Variants in ARHGAP15 observed in about 807,000 individuals in gnomAD.
The protein encoded by ARHGAP15 is Rho GTPase activating protein 15.
In ARHGAP15, 51 loss-of-function variants were observed where a neutral mutation model predicts 63.7. The observed-to-expected ratio is 0.80, with a 90% confidence interval of 0.64 to 1.01. The LOEUF (loss-of-function observed/expected upper bound fraction) is 1.01, where lower values mean the gene tolerates loss of function less well. Ranked by LOEUF, ARHGAP15 falls within the 50% of genes least tolerant of loss-of-function variation. ARHGAP15 has a pLI of 0.00. For missense variants in ARHGAP15, 560 were observed against 564.6 expected (o/e 0.99, Z 0.08); for synonymous variants, 191 against 193.8 (o/e 0.99, Z 0.12).
intron 6 of ARHGAP15, among the ~76,000 whole-genome samples, chr2:143,408,918 G>A (rs984929942): frequency 6.6e-6 from 1 of 151,648 alleles, no homozygotes; most frequent in African/African-American, 2.4e-5. Context: ...GAGATTTTTT[G>A]TTCATTTGGG....
intron 9 of ARHGAP15, among the ~76,000 whole-genome samples, chr2:143,492,029 A>G (rs1371882752): frequency 6.6e-6 from 1 of 152,080 alleles, no homozygotes; most frequent in Non-Finnish European, 1.5e-5. Context: ...CTATAGGTGC[A>G]CACCACCACA....
chr2:143,439,314 T>C (rs1281446492), intron 8 of ARHGAP15, among the ~76,000 whole-genome samples: 3 of 149,764 alleles, frequency 2.0e-5, no homozygotes, highest in African/African-American at 7.4e-5. Flanking sequence ...TCCCAGCTAC[T>C]CGGGAGGCTG....
intron 2 of ARHGAP15, among the ~76,000 whole-genome samples, chr2:143,174,084 C>T (rs996126699): frequency 1.3e-5 from 2 of 152,004 alleles, no homozygotes; most frequent in Non-Finnish European, 2.9e-5. Context: ...TCCCTCTCAC[C>T]CAAATATTCC....
In ARHGAP15 at chr2:143,390,602, G is replaced by C. The variant is rs72999533; in HGVS notation, c.475-44999G>C. ...CAGGAGATGCTCTGCCCCACTCTCC[G>C]CTTCCCCCTCCCTTCCTTTTCTCCC... is the stretch of plus-strand genomic sequence containing the variant. On this transcript the variant is annotated intron_variant, in intron 6 of 13. Coordinates refer to ENST00000295095, the MANE Select transcript of ARHGAP15 (RefSeq NM_018460.4). Among the ~76,000 whole-genome samples, 1,378 of 152,010 alleles carry C rather than the reference G, an allele frequency of 9.1e-3. 22 individuals carry two copies. The highest frequency in any genetic ancestry group is 0.028 in the African/African-American group (1,173 of 41,462).
intron 6 of ARHGAP15, among the ~76,000 whole-genome samples, chr2:143,363,153 A>C (rs1461298540): frequency 1.3e-5 from 2 of 151,912 alleles, no homozygotes; most frequent in Non-Finnish European, 2.9e-5. Context: ...CCTTCTTTTC[A>C]CTTTGCTGTG....
At chr2:143,171,524 C>T (rs919517944) in intron 2 of ARHGAP15, among the ~76,000 whole-genome samples, 2 of 152,086 alleles carry the variant, frequency 1.3e-5, no homozygotes, top group Non-Finnish European at 2.9e-5. Context: ...AGTAGAAAGG[C>T]AGGCTGGGGA....
chr2:143,555,480 C>T (rs1229279691), intron 10 of ARHGAP15, among the ~76,000 whole-genome samples: 2 of 152,100 alleles, frequency 1.3e-5, no homozygotes, highest in Non-Finnish European at 2.9e-5. Context: ...ATTATGTTTT[C>T]AGCATTTTTA....
intron 9 of ARHGAP15, among the ~76,000 whole-genome samples, chr2:143,508,871 G>A (rs763613146): frequency 2.0e-5 from 3 of 152,100 alleles, no homozygotes; most frequent in Admixed American, 6.6e-5. Flanking sequence ...GAAAACGAGG[G>A]GCCAAAGGGT....
chr2:143,731,304 T>C (rs1251471675), intron 13 of ARHGAP15, among the ~76,000 whole-genome samples: 2 of 152,182 alleles, frequency 1.3e-5, no homozygotes, highest in African/African-American at 4.8e-5. Flanking sequence ...GTTGTTAGAT[T>C]TTCTGGTTTC....
chr2:143,517,664 C>T (rs918174992), intron 9 of ARHGAP15, among the ~76,000 whole-genome samples: 7 of 152,152 alleles, frequency 4.6e-5, no homozygotes, highest in Non-Finnish European at 2.9e-5. Context: ...ACATTTCAGT[C>T]TCATATGTCA....
intron 6 of ARHGAP15, among the ~76,000 whole-genome samples, chr2:143,298,825 TAAG>T (rs142565599): frequency 0.031 from 4,714 of 152,018 alleles, 233 homozygotes; most frequent in African/African-American, 0.11. Context: ...ATTCAAATAA[TAAG>T]AGCAGACACT....
At chr2:143,680,431 G>C (rs1297580914) in intron 12 of ARHGAP15, among the ~76,000 whole-genome samples, 1 of 152,196 alleles carries the variant, frequency 6.6e-6, no homozygotes, top group African/African-American at 2.4e-5. Flanking sequence ...ACCCTATACT[G>C]GTTATGGAGC....
intron 12 of ARHGAP15, chr2:143,682,651 G>C (rs1683156062): frequency 6.6e-6 from 1 of 152,136 alleles, no homozygotes; most frequent in Non-Finnish European, 1.5e-5. Flanking sequence ...TATCTTCCAA[G>C]TCTGGTGCTG....
intron 6 of ARHGAP15, among the ~76,000 whole-genome samples, chr2:143,366,230 T>C (rs1189722829): frequency 1.3e-5 from 2 of 152,120 alleles, no homozygotes; most frequent in East Asian, 3.9e-4. Flanking sequence ...TAACAGATCC[T>C]GTATCTACAC....
intron 13 of ARHGAP15, chr2:143,766,630 A>T (rs1686954204): frequency 6.6e-6 from 1 of 152,192 alleles, no homozygotes; most frequent in African/African-American, 2.4e-5. Flanking sequence ...GAAATTGTCA[A>T]GTAGGAAAAA....
At chr2:143,442,623 G>A (rs1226247596) in intron 8 of ARHGAP15, among the ~76,000 whole-genome samples, 1 of 152,130 alleles carries the variant, frequency 6.6e-6, no homozygotes, top group Non-Finnish European at 1.5e-5. Flanking sequence ...AATGGGAAGT[G>A]AGTCCTTAGC....
intron 4 of ARHGAP15, among the ~76,000 whole-genome samples, chr2:143,222,984 T>A (rs1693058457): frequency 6.6e-6 from 1 of 152,130 alleles, no homozygotes; most frequent in Admixed American, 6.5e-5. Flanking sequence ...TTTTTTGTTT[T>A]GTTCTGTTTT....
intron 11 of ARHGAP15, chr2:143,608,300 G>A (rs1476555633): frequency 6.6e-6 from 1 of 152,196 alleles, no homozygotes; most frequent in Non-Finnish European, 1.5e-5. Context: ...GGGGGACTGG[G>A]AGACTCGTGC....
At chr2:143,521,347 T>C (rs1037710478) in intron 10 of ARHGAP15, among the ~76,000 whole-genome samples, 2 of 152,226 alleles carry the variant, frequency 1.3e-5, no homozygotes, top group Admixed American at 6.5e-5. Context: ...TACTTTTGAT[T>C]ATAATTTTCT....
Sources: gnomAD v4.1 joint callset for allele counts (sites outside exome capture counted in the v4.1 genomes callset) on GRCh38, gnomAD v4.1.1 for gene constraint, MANE v1.5 for transcripts, NCBI Gene and HGNC (gene_info 2026-07-23, HGNC 2026-07-21) for gene names.